Variants in SPMIP2 observed in about 807,000 individuals in gnomAD.
SPMIP2 encodes protein SPMIP2.
the SPMIP2 span, among the ~76,000 whole-genome samples, chr4:158,985,396 C>T: frequency 6.7e-6 from 1 of 149,350 alleles, no homozygotes; most frequent in East Asian, 2.0e-4. Flanking sequence ...AAAATACTGG[C>T]AAACCGAATC....
the SPMIP2 span, among the ~76,000 whole-genome samples, chr4:158,896,849 TTTA>T: frequency 2.0e-5 from 3 of 151,756 alleles, no homozygotes; most frequent in African/African-American, 7.3e-5. Context: ...TAGTTTTTTT[TTTA>T]TTATTATTAT....
At chr4:158,997,766 C>T in the SPMIP2 span, among the ~76,000 whole-genome samples, 1 of 152,174 alleles carries the variant, frequency 6.6e-6, no homozygotes, top group Non-Finnish European at 1.5e-5. Flanking sequence ...AATTCCCCCA[C>T]CTCAGCCTCC....
At chr4:159,037,264 C>T in the SPMIP2 span, among the ~76,000 whole-genome samples, 14 of 152,218 alleles carry the variant, frequency 9.2e-5, no homozygotes, top group East Asian at 2.7e-3. Context: ...AGCTCTTCTC[C>T]ATAAAATTAT....
At chr4:158,902,962 C>A in the SPMIP2 span, among the ~76,000 whole-genome samples, 1 of 152,222 alleles carries the variant, frequency 6.6e-6, no homozygotes, top group Non-Finnish European at 1.5e-5. Flanking sequence ...ACTCGGCTCC[C>A]TGGCTTCAGC....
the SPMIP2 span, among the ~76,000 whole-genome samples, chr4:159,005,051 TG>T: frequency 6.6e-6 from 1 of 151,828 alleles, no homozygotes; most frequent in African/African-American, 2.4e-5. Flanking sequence ...ACCAACATGG[TG>T]AAACCCCATC....
chr4:158,923,809 G>T, the SPMIP2 span, among the ~76,000 whole-genome samples: 5 of 152,102 alleles, frequency 3.3e-5, 1 homozygote, highest in South Asian at 1.0e-3. Context: ...ATAAACACAT[G>T]CAGTTTTTTA....
chr4:158,908,048 G>A, the SPMIP2 span: 1 of 152,072 alleles, frequency 6.6e-6, no homozygotes, highest in Admixed American at 6.6e-5. Context: ...AATTTATCTT[G>A]AACATTTTCC....
chr4:158,927,860 C>T, the SPMIP2 span, among the ~76,000 whole-genome samples: 51 of 152,292 alleles, frequency 3.3e-4, no homozygotes, highest in African/African-American at 7.5e-4. Flanking sequence ...GCAGCTACGG[C>T]GGGTGTACTG....
the SPMIP2 span, among the ~76,000 whole-genome samples, chr4:158,903,428 C>G: frequency 6.6e-6 from 1 of 152,312 alleles, no homozygotes; most frequent in South Asian, 2.1e-4. Context: ...ATTCGGCCGT[C>G]TTGCCTTATT....
the SPMIP2 span, among the ~76,000 whole-genome samples, chr4:158,925,846 T>C: frequency 6.6e-6 from 1 of 152,162 alleles, no homozygotes; most frequent in Non-Finnish European, 1.5e-5. Flanking sequence ...TAACAGAAAT[T>C]TGGAGGATGG....
At chr4:158,951,954 C>T in the SPMIP2 span, among the ~76,000 whole-genome samples, 1 of 152,172 alleles carries the variant, frequency 6.6e-6, no homozygotes, top group African/African-American at 2.4e-5. Context: ...TGTCTAAATT[C>T]CTCTTTCTGG....
the SPMIP2 span, among the ~76,000 whole-genome samples, chr4:158,894,891 A>T: frequency 6.6e-6 from 1 of 152,232 alleles, no homozygotes; most frequent in South Asian, 2.1e-4. Flanking sequence ...TGATCAGCCC[A>T]GATGGTCAAG....
At chr4:158,958,081 TCCCGGGCTCAAGTGTTC>T in the SPMIP2 span, among the ~76,000 whole-genome samples, 3 of 152,114 alleles carry the variant, frequency 2.0e-5, no homozygotes, top group African/African-American at 7.2e-5. Context: ...AGCCTCGACC[TCCCGGGCTCAAGTGTTC>T]CTCCCCCACC....
chr4:158,909,845 A>G, the SPMIP2 span, among the ~76,000 whole-genome samples: 6,982 of 152,158 alleles, frequency 0.046, 411 homozygotes, highest in African/African-American at 0.14. Flanking sequence ...GATCGAGACC[A>G]TCCTGGCTAA....
At chr4:158,915,087 T>G in the SPMIP2 span, 1 of 1,193,638 alleles carries the variant, frequency 8.4e-7, no homozygotes, top group Non-Finnish European at 1.2e-6. Flanking sequence ...TTATTAGTAT[T>G]ACTATGAGAA....
At chr4:159,073,799 C>T in the SPMIP2 span, among the ~76,000 whole-genome samples, 4 of 152,218 alleles carry the variant, frequency 2.6e-5, no homozygotes, top group Non-Finnish European at 4.4e-5. Context: ...GTCGGGAGTT[C>T]AAGACCAGCC....
the SPMIP2 span, among the ~76,000 whole-genome samples, chr4:158,992,299 T>C: frequency 6.6e-6 from 1 of 152,244 alleles, no homozygotes; most frequent in Non-Finnish European, 1.5e-5. Flanking sequence ...TTGGGAACAC[T>C]GCTGGCTACA....
the SPMIP2 span, among the ~76,000 whole-genome samples, chr4:158,943,706 A>T: frequency 3.9e-5 from 6 of 152,012 alleles, no homozygotes; most frequent in Non-Finnish European, 8.8e-5. Flanking sequence ...ATGCAAGCCA[A>T]TCCTGTCTCC....
the SPMIP2 span, among the ~76,000 whole-genome samples, chr4:158,909,176 G>A: frequency 1.3e-5 from 2 of 152,046 alleles, no homozygotes; most frequent in Non-Finnish European, 2.9e-5. Context: ...GCTCTGAAAA[G>A]GGATGATGTC....
Sources: gnomAD v4.1 joint callset for allele counts (sites outside exome capture counted in the v4.1 genomes callset) on GRCh38, gnomAD v4.1.1 for gene constraint, MANE v1.5 for transcripts, NCBI Gene and HGNC (gene_info 2026-07-23, HGNC 2026-07-21) for gene names.